The following DDX10 variants were observed in gnomAD, a reference collection of about 807,000 sequenced individuals.
DDX10 encodes the protein probable ATP-dependent RNA helicase DDX10.
In DDX10, 74 loss-of-function variants were observed where a neutral mutation model predicts 104.3. The observed-to-expected ratio is 0.71, with a 90% CI of 0.59 to 0.86. The LOEUF (loss-of-function observed/expected upper bound fraction) is 0.86, where lower values mean the gene tolerates loss of function less well. DDX10 is among the 40% of genes least tolerant of loss of function. The pLI is 0.00. For missense variants in DDX10, 952 were observed against 1,040.0 expected, an observed-to-expected ratio of 0.92 and a Z score of 1.16; for synonymous variants, 351 against 353.4, an observed-to-expected ratio of 0.99 and a Z score of 0.08.
intron 17 of DDX10, among the ~76,000 whole-genome samples, chr11:108,938,961 A>G (rs1477232569): frequency 2.6e-5 from 4 of 152,136 alleles, no homozygotes; most frequent in Admixed American, 2.6e-4. Flanking sequence ...GTATAATGTA[A>G]TATTTCTGTG....
At chr11:108,903,600 T>C (rs1228787011) in intron 16 of DDX10, among the ~76,000 whole-genome samples, 1 of 152,192 alleles carries the variant, frequency 6.6e-6, no homozygotes, top group Non-Finnish European at 1.5e-5. Flanking sequence ...GTATTATAAG[T>C]AATCTAGAGA....
chr11:108,935,473 G>C (rs1411409447), intron 17 of DDX10, among the ~76,000 whole-genome samples: 1 of 152,174 alleles, frequency 6.6e-6, no homozygotes, highest in Admixed American at 6.5e-5. Flanking sequence ...GTGCTTGACA[G>C]AGACTACTTC....
chr11:108,786,810 A>G (rs763258392), intron 13 of DDX10, among the ~76,000 whole-genome samples: 6 of 152,230 alleles, frequency 3.9e-5, no homozygotes, highest in Admixed American at 1.3e-4. Context: ...TTGCCATTCT[A>G]TGCCTTTTAA....
At chr11:108,806,104 G>C (rs1862096171) in intron 13 of DDX10, among the ~76,000 whole-genome samples, 1 of 152,052 alleles carries the variant, frequency 6.6e-6, no homozygotes, top group Admixed American at 6.6e-5. Context: ...TGGAATTACA[G>C]GCGTCCACCA....
intron 16 of DDX10, among the ~76,000 whole-genome samples, chr11:108,865,934 A>G (rs1208372710): frequency 6.6e-6 from 1 of 152,182 alleles, no homozygotes; most frequent in Non-Finnish European, 1.5e-5. Context: ...AAAGAAAAAA[A>G]ATAATAAAAT....
intron 16 of DDX10, among the ~76,000 whole-genome samples, chr11:108,888,668 T>C (rs1204002577): frequency 6.6e-6 from 1 of 152,144 alleles, no homozygotes; most frequent in Admixed American, 6.6e-5. Context: ...TGAGATTGGC[T>C]TAAACTAAAG....
At chr11:108,801,641 C>A (rs1862022257) in intron 13 of DDX10, among the ~76,000 whole-genome samples, 1 of 152,206 alleles carries the variant, frequency 6.6e-6, no homozygotes, top group Admixed American at 6.5e-5. Context: ...ACCCCTTCCC[C>A]TGTTCTTCAT....
At chr11:108,774,569 A>G (rs976900206) in intron 13 of DDX10, among the ~76,000 whole-genome samples, 2 of 152,072 alleles carry the variant, frequency 1.3e-5, no homozygotes, top group East Asian at 3.9e-4. Context: ...TTTCCTTGCA[A>G]TTCCTGGAAT....
At chr11:108,697,459 A>G (rs2094261548) in intron 9 of DDX10, among the ~76,000 whole-genome samples, 1 of 152,198 alleles carries the variant, frequency 6.6e-6, no homozygotes, top group Non-Finnish European at 1.5e-5. Context: ...ATTCATTAGC[A>G]AAATAGCTAA....
intron 9 of DDX10, among the ~76,000 whole-genome samples, chr11:108,695,540 CCTAGGAA>C (rs1471972640): frequency 6.6e-6 from 1 of 152,078 alleles, no homozygotes; most frequent in East Asian, 1.9e-4. Flanking sequence ...CCCTTGCTTA[CCTAGGAA>C]GTCCCCTTGG....
chr11:108,914,125 A>G (rs930442031), intron 16 of DDX10, among the ~76,000 whole-genome samples: 3 of 152,112 alleles, frequency 2.0e-5, no homozygotes, highest in Admixed American at 1.3e-4. Flanking sequence ...TTGAATTCGT[A>G]TTTTCTTTAT....
intron 9 of DDX10, among the ~76,000 whole-genome samples, chr11:108,695,336 A>G (rs1025297385): frequency 6.6e-6 from 1 of 152,210 alleles, no homozygotes; most frequent in African/African-American, 2.4e-5. Context: ...GGTATTTATC[A>G]TATGGATTCC....
At chr11:108,895,345 A>G (rs1863427408) in intron 16 of DDX10, among the ~76,000 whole-genome samples, 1 of 151,446 alleles carries the variant, frequency 6.6e-6, no homozygotes, top group Admixed American at 6.6e-5. Flanking sequence ...TCCTTTGGGT[A>G]TAAACTCAGT....
intron 16 of DDX10, among the ~76,000 whole-genome samples, chr11:108,875,460 A>ACAGTTT (rs1383380640): frequency 1.3e-5 from 2 of 152,146 alleles, no homozygotes; most frequent in Non-Finnish European, 2.9e-5. Context: ...TTATAGAAGA[A>ACAGTTT]CAGTTTCAGG....
intron 16 of DDX10, among the ~76,000 whole-genome samples, chr11:108,917,281 A>G (rs1863763527): frequency 6.6e-6 from 1 of 152,032 alleles, no homozygotes; most frequent in Non-Finnish European, 1.5e-5. Context: ...ATAAAATCAG[A>G]CAAATGTTAC....
intron 13 of DDX10, among the ~76,000 whole-genome samples, chr11:108,795,728 A>G (rs1019991280): frequency 6.6e-6 from 1 of 151,798 alleles, no homozygotes; most frequent in Non-Finnish European, 1.5e-5. Flanking sequence ...CATTTTCTTA[A>G]TCCAGTCTCT....
At chr11:108,923,627 A>G (rs772466466) in intron 17 of DDX10, among the ~76,000 whole-genome samples, 3 of 152,188 alleles carry the variant, frequency 2.0e-5, no homozygotes, top group Non-Finnish European at 2.9e-5. Flanking sequence ...TGCTTTCACA[A>G]AGCTTTTTGT....
chr11:108,846,094 A>T (rs917842362), intron 15 of DDX10, among the ~76,000 whole-genome samples: 1 of 152,102 alleles, frequency 6.6e-6, no homozygotes, highest in Admixed American at 6.6e-5. Context: ...AATTATAACA[A>T]TTTTTTACAT....
intron 17 of DDX10, among the ~76,000 whole-genome samples, chr11:108,924,996 A>C (rs1224503700): frequency 2.0e-5 from 3 of 152,196 alleles, no homozygotes; most frequent in African/African-American, 4.8e-5. Flanking sequence ...TGTGCCTGCC[A>C]TTCTTTCCTC....
Sources: gnomAD v4.1 joint callset for allele counts (sites outside exome capture counted in the v4.1 genomes callset) on GRCh38, gnomAD v4.1.1 for gene constraint, MANE v1.5 for transcripts, NCBI Gene and HGNC (gene_info 2026-07-23, HGNC 2026-07-21) for gene names.